The following POC1A variants were observed in gnomAD, a reference collection of about 807,000 sequenced individuals.
POC1A encodes the protein POC1 centriolar protein A.
In POC1A, 34 loss-of-function variants were observed where a neutral mutation model predicts 47.8. The observed-to-expected ratio is 0.71, with a 90% CI of 0.54 to 0.95. POC1A has a LOEUF of 0.95. POC1A is among the 40% of genes least tolerant of loss of function. POC1A has a pLI of 0.00. For synonymous variants in POC1A, 177 were observed against 207.6 expected (o/e 0.85, Z 1.27); for missense variants, 466 against 528.3 (o/e 0.88, Z 1.16).
intron 9 of POC1A, among the ~76,000 whole-genome samples, chr3:52,111,769 C>T (rs1307133487): frequency 2.6e-5 from 4 of 151,932 alleles, no homozygotes; most frequent in Non-Finnish European, 5.9e-5. Context: ...TCTCACCCAT[C>T]TGCTTCCCTA....
At position 52,079,485 on chromosome 3, in the gene POC1A, C is replaced by G. The variant is rs539660903; in HGVS notation, c.1126-3500G>C. ...ACACTCCATGGCCTGGAAGCCACGA[C>G]TTTCATTTATTCAAGGAAAAATGAG... On this transcript the variant is annotated intron_variant, in intron 10 of 10. Transcript: ENST00000296484. This position sits in a 1 kb window ranked among gnomAD's most constrained non-coding sequence, Gnocchi z 4.6. 6.6e-6 allele frequency among the ~76,000 whole-genome samples: 1 copy of G among 152,266 alleles called. No individual in the cohort carries two copies. The highest frequency in any genetic ancestry group is 1.5e-5 in the Non-Finnish European group (1 of 68,046).
intron 4 of POC1A, among the ~76,000 whole-genome samples, chr3:52,148,974 C>T (rs1698461155): frequency 6.6e-6 from 1 of 152,242 alleles, no homozygotes; most frequent in Non-Finnish European, 1.5e-5. Flanking sequence ...AGAGGGTCAT[C>T]ATGGCTGACT....
At position 52,149,870 on chromosome 3, in the gene POC1A, T is replaced by C; in HGVS notation, c.221A>G (p.His74Arg). Residue 74 changes from histidine to arginine, a missense_variant, in exon 3 of 11, where the codon CAC becomes CGC. His to Arg is a conservative substitution (Grantham distance 29). Coordinates refer to ENST00000296484, the MANE Select transcript of POC1A (RefSeq NM_015426.5). ...VTCVNFSPSG[H>R]LLASGSRDKT... The stretch of plus-strand genomic sequence containing the variant: ...GTCTCGGGAGCCGGAAGCAAGCAGG[T>C]GTCCCGAAGGAGAGAAGTTCACACA... 1 of 1,613,818 alleles carries C rather than the reference T, an allele frequency of 6.2e-7. No individual in the cohort carries two copies. The highest frequency in any genetic ancestry group is 8.5e-7 in the Non-Finnish European group (1 of 1,180,012).
chr3:52,076,346 A>G (rs569143577), intron 10 of POC1A, among the ~76,000 whole-genome samples: 2 of 152,052 alleles, frequency 1.3e-5, no homozygotes, highest in Non-Finnish European at 2.9e-5. Flanking sequence ...CTGCAGCAAA[A>G]CCAGTTTCCT....
chr3:52,110,952 T>A (rs1443620717), intron 9 of POC1A, among the ~76,000 whole-genome samples: 2 of 151,102 alleles, frequency 1.3e-5, no homozygotes, highest in East Asian at 3.9e-4. Flanking sequence ...CTCAAAGGAG[T>A]GTGTGTGCCT....
At chr3:52,107,126 A>G (rs529460094) in intron 9 of POC1A, among the ~76,000 whole-genome samples, 4 of 152,360 alleles carry the variant, frequency 2.6e-5, no homozygotes, top group Admixed American at 2.6e-4. Flanking sequence ...GCAGTGAGGA[A>G]GCAGCAAGAA....
chr3:52,091,289 C>G (rs1439379322), intron 10 of POC1A, among the ~76,000 whole-genome samples: 1 of 152,202 alleles, frequency 6.6e-6, no homozygotes, highest in Admixed American at 6.5e-5. Context: ...CTCCTGACCT[C>G]AGGCCTAGCA....
At chr3:52,111,257 A>G (rs1703370575) in intron 9 of POC1A, among the ~76,000 whole-genome samples, 1 of 152,158 alleles carries the variant, frequency 6.6e-6, no homozygotes, top group Non-Finnish European at 1.5e-5. Flanking sequence ...CAGTTCAGAG[A>G]AGGGAGTTCT....
rs1217613994 is a variant in POC1A at position 52,090,394 on chromosome 3, A to G, written c.1125+6175T>C. The stretch of plus-strand genomic sequence containing the variant: ...AACCACCAAGCCGCGTGTTGGGCCT[A>G]TGCCGGGCCCCCTCACAGCAGCCTC... On this transcript the variant is annotated intron_variant, in intron 10 of 10. Coordinates refer to ENST00000296484, the MANE Select transcript of POC1A (RefSeq NM_015426.5). This position sits in a 1 kb window ranked among gnomAD's most constrained non-coding sequence, Gnocchi z 4.2. Among the ~76,000 whole-genome samples the G allele has an allele frequency of 6.6e-6, 1 of 152,226 alleles. No individual in the cohort carries two copies. Among genetic ancestry groups the G allele is most frequent in the East Asian group, 1.9e-4 (1 of 5,198 alleles).
intron 10 of POC1A, among the ~76,000 whole-genome samples, chr3:52,080,660 ACCT>A (rs1336128993): frequency 1.3e-5 from 2 of 152,178 alleles, no homozygotes; most frequent in Non-Finnish European, 2.9e-5. Context: ...AGTGACAAGA[ACCT>A]CCTCCTGGAT....
chr3:52,090,055 TGA>T lies in POC1A; in HGVS notation c.1125+6512_1125+6513del, dbSNP rs1702594352. ...AACAGGCAAAAATCCTTGGCCTTGT[TGA>T]GTTAGGACAGCAAAACGCAATGACT... On this transcript the variant is annotated intron_variant, in intron 10 of 10. Transcript: ENST00000296484. The surrounding 1 kb of genome is among the most constrained non-coding windows in gnomAD (Gnocchi z 4.2). Among the ~76,000 whole-genome samples the T allele has an allele frequency of 6.6e-6, 1 of 152,268 alleles. No homozygotes were observed. Among genetic ancestry groups the T allele is most frequent in the South Asian group, 2.1e-4 (1 of 4,820 alleles).
chr3:52,146,035 C>T (rs1698354099), intron 5 of POC1A, 74 bp from the exon 6 acceptor site: 1 of 847,694 alleles, frequency 1.2e-6, no homozygotes, highest in Non-Finnish European at 2.0e-6. Context: ...ACATTTGGTG[C>T]TTTCCCCATC....
At chr3:52,150,026 C>A (rs749273347) in intron 2 of POC1A, 39 bp from the exon 3 acceptor site, 2 of 1,573,616 alleles carry the variant, frequency 1.3e-6, no homozygotes, top group Non-Finnish European at 1.7e-6. Context: ...ACAGCTCTAA[C>A]AGGCTTCAAG....
At chr3:52,128,572 A>G (rs1370185116) in intron 7 of POC1A, among the ~76,000 whole-genome samples, 2 of 152,182 alleles carry the variant, frequency 1.3e-5, no homozygotes, top group Non-Finnish European at 2.9e-5. Flanking sequence ...GACAGCACAG[A>G]GAACACCTGG....
At chr3:52,122,288 C>T in intron 9 of POC1A, 91 bp downstream of exon 9, 6 of 736,994 alleles carry the variant, frequency 8.1e-6, no homozygotes, top group South Asian at 6.0e-5. Context: ...GCCTAAACCT[C>T]CTCCCTCACC....
chr3:52,078,788 T>G (rs1559805259), intron 10 of POC1A, among the ~76,000 whole-genome samples: 1 of 152,222 alleles, frequency 6.6e-6, no homozygotes, highest in East Asian at 1.9e-4. Context: ...CGTGAGCCCC[T>G]GCGCCCGGCT....
Position 52,124,144 on chromosome 3 carries a change from T to C in POC1A, c.882+969A>G, listed in dbSNP as rs369481785. Among the ~76,000 whole-genome samples the C allele has an allele frequency of 1.8e-4, 27 of 152,364 alleles. 1 individual carries two copies. The South Asian group carries it at 5.2e-3, about 29-fold the overall frequency. ...GGCTGAGCAGCCAGAACTAAGAGAC[T>C]GGGCAGTAGTGGAATAAACATTCTC... On this transcript the variant is annotated intron_variant, in intron 8 of 10. Coordinates refer to ENST00000296484, the MANE Select transcript of POC1A (RefSeq NM_015426.5).
intron 9 of POC1A, among the ~76,000 whole-genome samples, chr3:52,103,649 A>G (rs886797550): frequency 7.2e-5 from 11 of 152,232 alleles, no homozygotes; most frequent in African/African-American, 2.7e-4. Flanking sequence ...TATGACACCT[A>G]AAGTATGATC....
At chr3:52,127,860 TA>T (rs1470892241) in intron 7 of POC1A, among the ~76,000 whole-genome samples, 1 of 152,134 alleles carries the variant, frequency 6.6e-6, no homozygotes, top group Non-Finnish European at 1.5e-5. Flanking sequence ...CACACCCGGC[TA>T]ATTTTTATAT....
Sources: gnomAD v4.1 joint callset for allele counts (sites outside exome capture counted in the v4.1 genomes callset) on GRCh38, gnomAD v4.1.1 for gene constraint, Gnocchi (gnomAD v3.1) non-coding constraint, MANE v1.5 for transcripts, NCBI Gene and HGNC (gene_info 2026-07-23, HGNC 2026-07-21) for gene names.